Variants in CCDC125 observed in about 807,000 individuals in gnomAD.
CCDC125 encodes the protein coiled-coil domain-containing protein 125.
CCDC125 carries 43 observed loss-of-function variants against 57.4 expected under a neutral mutation model. That is an observed-to-expected ratio of 0.75 (90% CI 0.59 to 0.97). The LOEUF (loss-of-function observed/expected upper bound fraction) is 0.97. Among genes scored for constraint, CCDC125 ranks in the 50% least tolerant of loss-of-function variants. The pLI, the probability that CCDC125 is intolerant of heterozygous loss-of-function variation, is 0.00. For missense variants in CCDC125, 563 were observed against 595.7 expected, an observed-to-expected ratio of 0.95 and a Z score of 0.57; for synonymous variants, 187 against 195.2, an observed-to-expected ratio of 0.96 and a Z score of 0.35.
chr5:69,285,242 A>G, intron 11 of CCDC125, 95 bp downstream of exon 11: 1 of 1,243,490 alleles, frequency 8.0e-7, no homozygotes, highest in Non-Finnish European at 1.1e-6. Flanking sequence ...GTTGGGCCAC[A>G]TTCAAAGCTG....
chr5:69,276,574 C>T, downstream of CCDC125: 2 of 1,613,392 alleles, frequency 1.2e-6, no homozygotes, highest in Non-Finnish European at 1.7e-6. Flanking sequence ...AGTAATCGGC[C>T]AGGGCCAACA....
In CCDC125 at chr5:69,329,569, T is replaced by C. The variant is rs545675084; in HGVS notation, c.-41+3080A>G. ...CCAAGGCTGGAGTGCAATGGCGTGATCACGGCTCACTGCAACCTCTGCCTC... is the reference window on the plus strand; with the variant it reads ...CCAAGGCTGGAGTGCAATGGCGTGACCACGGCTCACTGCAACCTCTGCCTC... On this transcript the variant is annotated intron_variant, in intron 1 of 11. Coordinates refer to ENST00000396496, the MANE Select transcript of CCDC125 (RefSeq NM_176816.5). Among the ~76,000 whole-genome samples, 5 of 146,160 alleles carry C rather than the reference T, an allele frequency of 3.4e-5. No homozygotes were observed. The East Asian group carries it at 1.0e-3, about 31-fold the overall frequency.
intron 9 of CCDC125, among the ~76,000 whole-genome samples, chr5:69,292,593 C>T (rs1244856137): frequency 6.6e-6 from 1 of 152,140 alleles, no homozygotes; most frequent in Non-Finnish European, 1.5e-5. Flanking sequence ...TGCCTGCTAA[C>T]CTAACCCCTG....
chr5:69,300,673 G>A (rs1756249928), intron 7 of CCDC125, among the ~76,000 whole-genome samples: 1 of 152,020 alleles, frequency 6.6e-6, no homozygotes, highest in Non-Finnish European at 1.5e-5. Context: ...TTATGATCAT[G>A]AGCAGCTTCT....
intron 8 of CCDC125, among the ~76,000 whole-genome samples, chr5:69,297,610 A>C (rs1369701723): frequency 6.6e-6 from 1 of 151,504 alleles, no homozygotes; most frequent in Non-Finnish European, 1.5e-5. Flanking sequence ...CACCTGCCTC[A>C]GCCCCCGCAA....
At chr5:69,313,852 G>T in intron 3 of CCDC125, 133 bp downstream of exon 3, 2 of 861,564 alleles carry the variant, frequency 2.3e-6, no homozygotes, top group South Asian at 2.6e-5. Flanking sequence ...CACCATCAGA[G>T]ACAGCCACAA....
intron 6 of CCDC125, among the ~76,000 whole-genome samples, chr5:69,305,118 T>C (rs1158192253): frequency 1.3e-5 from 2 of 151,228 alleles, no homozygotes; most frequent in South Asian, 2.1e-4. Flanking sequence ...TCATGCAAAA[T>C]AGCCAAAAGG....
At chr5:69,290,930 A>G (rs1025037941) in intron 10 of CCDC125, among the ~76,000 whole-genome samples, 1 of 152,148 alleles carries the variant, frequency 6.6e-6, no homozygotes, top group South Asian at 2.1e-4. Flanking sequence ...ACGCCCAGCC[A>G]ACAGGTTCCA....
At chr5:69,313,818 T>A (rs1758552318) in intron 3 of CCDC125, 167 bp downstream of exon 3, 1 of 829,902 alleles carries the variant, frequency 1.2e-6, no homozygotes, top group South Asian at 1.3e-5. Flanking sequence ...TTACACAACT[T>A]CATGTCGTTG....
chr5:69,332,066 C>T (rs1197632676), intron 1 of CCDC125, among the ~76,000 whole-genome samples: 1 of 152,256 alleles, frequency 6.6e-6, no homozygotes, highest in African/African-American at 2.4e-5. Flanking sequence ...ATTCAGTAGC[C>T]TGACAACTCT....
intron 1 of CCDC125, among the ~76,000 whole-genome samples, chr5:69,322,570 A>C (rs545054108): frequency 6.9e-6 from 1 of 145,888 alleles, no homozygotes; most frequent in African/African-American, 2.5e-5. Flanking sequence ...CAAAAAAAAA[A>C]TTTTTTTTTT....
intron 11 of CCDC125, among the ~76,000 whole-genome samples, chr5:69,285,098 CCAAA>C (rs766757318): frequency 2.7e-5 from 4 of 149,022 alleles, no homozygotes; most frequent in Admixed American, 1.4e-4. Flanking sequence ...GTCTCAAAAA[CCAAA>C]CAAACAAAAA....
rs953618184 is a variant in CCDC125 at position 69,325,269 on chromosome 5, T to G, written c.-40-4689A>C. Among the ~76,000 whole-genome samples, 23 of 143,350 alleles carry G rather than the reference T, an allele frequency of 1.6e-4. No homozygotes were observed. In the East Asian group the frequency reaches 4.7e-3, roughly 29 times the overall value. The allele number at this position is 143,350 out of a possible 152,430, so 94.0% of individuals were successfully genotyped here. A position where few individuals can be genotyped will look rare whatever the true frequency, so the allele number is the denominator to read the frequency against. ...TGAACCCGGGAGGCAGGGGTTGCAG[T>G]GAGCCGAGCTTGCACCACTGCACTA... On this transcript the variant is annotated intron_variant, in intron 1 of 11. Transcript: ENST00000396496.
chr5:69,317,009 C>T (rs1561471187), intron 2 of CCDC125, among the ~76,000 whole-genome samples: 3 of 151,854 alleles, frequency 2.0e-5, no homozygotes, highest in Non-Finnish European at 4.4e-5. Context: ...TTTCTTCATG[C>T]TGTTTGTTTG....
downstream of CCDC125, among the ~76,000 whole-genome samples, chr5:69,277,904 G>A (rs1400307951): frequency 1.3e-5 from 2 of 152,100 alleles, no homozygotes; most frequent in Non-Finnish European, 2.9e-5. Context: ...TCTGAGGCGG[G>A]GGACAAAGTC....
At chr5:69,291,417 C>T (rs912603854) in intron 10 of CCDC125, among the ~76,000 whole-genome samples, 9 of 151,546 alleles carry the variant, frequency 5.9e-5, no homozygotes, top group Non-Finnish European at 8.8e-5. Flanking sequence ...TGCAGTGGCG[C>T]GATCTCAGCT....
chr5:69,292,491 T>C (rs1344080967), intron 9 of CCDC125, 129 bp from the exon 10 acceptor site: 3 of 661,344 alleles, frequency 4.5e-6, no homozygotes, highest in Non-Finnish European at 7.8e-6. Flanking sequence ...TCTGATCTAG[T>C]TTATCTGATT....
At chr5:69,293,135 C>G (rs559725236) in intron 9 of CCDC125, among the ~76,000 whole-genome samples, 4 of 151,616 alleles carry the variant, frequency 2.6e-5, no homozygotes, top group Admixed American at 2.6e-4. Flanking sequence ...CCACTGCGCC[C>G]GGTCTTTCTT....
intron 9 of CCDC125, among the ~76,000 whole-genome samples, chr5:69,293,481 C>G (rs1175206530): frequency 1.3e-5 from 2 of 151,910 alleles, no homozygotes; most frequent in South Asian, 4.1e-4. Flanking sequence ...GAAACCCCGT[C>G]TCTACTAAAA....
Sources: allele counts gnomAD v4.1 joint callset (sites outside exome capture counted in the v4.1 genomes callset), GRCh38; gene constraint gnomAD v4.1.1; transcripts MANE v1.5; gene names NCBI Gene and HGNC (gene_info 2026-07-23, HGNC 2026-07-21).